LDAH: variants seen among roughly 807,000 people sequenced by gnomAD.
LDAH encodes the protein lipid droplet-associated hydrolase.
LDAH carries 26 observed loss-of-function variants against 29.6 expected under a neutral mutation model. That is an observed-to-expected ratio of 0.88 (90% CI 0.64 to 1.22). The LOEUF (loss-of-function observed/expected upper bound fraction) is 1.22, where lower values mean the gene tolerates loss of function less well. LDAH is among the 50% of genes most tolerant of loss of function. The pLI is 0.00. For synonymous variants in LDAH, 117 were observed against 133.0 expected (o/e 0.88, Z 0.83); for missense variants, 344 against 387.3 (o/e 0.89, Z 0.94).
intron 5 of LDAH, among the ~76,000 whole-genome samples, chr2:20,732,674 A>G (rs1666493634): frequency 6.6e-6 from 1 of 152,156 alleles, no homozygotes; most frequent in Non-Finnish European, 1.5e-5. Context: ...ATATGTGTAG[A>G]GTTGTTCACA....
At chr2:20,701,235 T>C (rs1372605183) in intron 6 of LDAH, among the ~76,000 whole-genome samples, 2 of 152,204 alleles carry the variant, frequency 1.3e-5, no homozygotes, top group African/African-American at 4.8e-5. Flanking sequence ...TTCCACTGTT[T>C]CATTTATATT....
intron 2 of LDAH, among the ~76,000 whole-genome samples, chr2:20,791,339 T>C (rs12468102): frequency 0.037 from 5,628 of 152,306 alleles, 132 homozygotes; most frequent in Middle Eastern, 0.051. Context: ...ATCCACAAAA[T>C]GTGTAATAAT....
downstream of LDAH, among the ~76,000 whole-genome samples, chr2:20,683,555 A>G (rs1162156196): frequency 1.3e-5 from 2 of 152,210 alleles, no homozygotes; most frequent in Admixed American, 1.3e-4. Context: ...GACTGTTAGA[A>G]CATCCTGGGC....
intron 4 of LDAH, among the ~76,000 whole-genome samples, chr2:20,763,051 G>T (rs993731894): frequency 3.3e-5 from 5 of 152,124 alleles, no homozygotes; most frequent in Non-Finnish European, 7.4e-5. Flanking sequence ...AAATAAGAAA[G>T]AAATTTATAG....
chr2:20,711,096 G>C (rs1176561429), intron 5 of LDAH, among the ~76,000 whole-genome samples: 1 of 152,138 alleles, frequency 6.6e-6, no homozygotes, highest in Non-Finnish European at 1.5e-5. Flanking sequence ...AAGGACCTGA[G>C]AGTGGCCTTT....
At chr2:20,766,147 C>T (rs945037535) in intron 4 of LDAH, among the ~76,000 whole-genome samples, 2 of 151,970 alleles carry the variant, frequency 1.3e-5, no homozygotes, top group Admixed American at 1.3e-4. Context: ...TCAACACACA[C>T]ACAAAGTGAA....
intron 2 of LDAH, among the ~76,000 whole-genome samples, chr2:20,800,787 C>A (rs1671606577): frequency 6.6e-6 from 1 of 151,994 alleles, no homozygotes; most frequent in Admixed American, 6.6e-5. Context: ...GCATGTGCCA[C>A]CACGCCCAGC....
intron 3 of LDAH, among the ~76,000 whole-genome samples, chr2:20,782,750 T>C (rs1196077832): frequency 6.6e-6 from 1 of 152,202 alleles, no homozygotes; most frequent in Non-Finnish European, 1.5e-5. Flanking sequence ...TTATTAATTT[T>C]ATTAGTCTTT....
At chr2:20,814,229 T>TGGG (rs70939052) in intron 1 of LDAH, among the ~76,000 whole-genome samples, 1 of 132,328 alleles carries the variant, frequency 7.6e-6, no homozygotes, top group African/African-American at 2.7e-5. Context: ...AGTCTGACAA[T>TGGG]GGGGGGGGGG....
intron 1 of LDAH, among the ~76,000 whole-genome samples, chr2:20,801,986 ATATG>A (rs1424304345): frequency 4.6e-5 from 7 of 150,610 alleles, no homozygotes; most frequent in African/African-American, 1.7e-4. Flanking sequence ...GTATGTATGA[ATATG>A]TGTGTATATA....
In LDAH at chr2:20,701,442, G is replaced by A. The variant is rs1663927439; in HGVS notation, c.786+128C>T. ...TCAGGGATAATTTCAATTTTAACTG[G>A]AAGTAGAACTCTATGTCATTCTACC... On this transcript the variant is annotated intron_variant, in intron 6 of 6. Transcript: ENST00000237822. 16 of 700,120 alleles carry A rather than the reference G, an allele frequency of 2.3e-5. No homozygotes were observed. In the South Asian group the frequency reaches 3.6e-4, roughly 16 times the overall value. The allele number at this position is 700,120 out of a possible 1,614,324, so 43.4% of individuals were successfully genotyped here.
chr2:20,767,597 A>C (rs987359722), intron 4 of LDAH, among the ~76,000 whole-genome samples: 5 of 152,168 alleles, frequency 3.3e-5, no homozygotes, highest in Non-Finnish European at 7.4e-5. Context: ...TGCTGGCAGG[A>C]GGCAGATGGG....
chr2:20,724,788 A>G (rs1665898906), intron 5 of LDAH, among the ~76,000 whole-genome samples: 1 of 152,236 alleles, frequency 6.6e-6, no homozygotes, highest in South Asian at 2.1e-4. Context: ...ATAGTTTTCT[A>G]AAGTAGAACT....
intron 2 of LDAH, among the ~76,000 whole-genome samples, chr2:20,796,190 T>TA (rs1671295167): frequency 6.6e-6 from 1 of 152,222 alleles, no homozygotes; most frequent in South Asian, 2.1e-4. Context: ...CTCTCCCCTG[T>TA]AATGGGCTCT....
chr2:20,756,939 G>T (rs1264335662), intron 4 of LDAH, among the ~76,000 whole-genome samples: 3 of 152,198 alleles, frequency 2.0e-5, no homozygotes, highest in African/African-American at 7.2e-5. Context: ...AACTTGAAAT[G>T]ACATACTTCT....
At chr2:20,703,739 T>C (rs773921277) in intron 5 of LDAH, among the ~76,000 whole-genome samples, 37 of 152,218 alleles carry the variant, frequency 2.4e-4, no homozygotes, top group Non-Finnish European at 5.9e-5. Flanking sequence ...CCTGGACCAC[T>C]GTCGACTTAG....
intron 6 of LDAH, among the ~76,000 whole-genome samples, chr2:20,688,549 T>C (rs1355614579): frequency 6.6e-6 from 1 of 152,086 alleles, no homozygotes; most frequent in Non-Finnish European, 1.5e-5. Context: ...GGTGATCAAG[T>C]GCTGGGGGAG....
chr2:20,805,118 C>T (rs1021141337), intron 1 of LDAH, among the ~76,000 whole-genome samples: 1 of 152,040 alleles, frequency 6.6e-6, no homozygotes, highest in Admixed American at 6.6e-5. Context: ...TAAATATATT[C>T]AAATCATAAA....
intron 5 of LDAH, among the ~76,000 whole-genome samples, chr2:20,711,825 G>A (rs1354860779): frequency 3.3e-5 from 5 of 152,342 alleles, no homozygotes; most frequent in South Asian, 2.1e-4. Context: ...GCAGCAGCCC[G>A]GCAGGGGGAG....
Sources: gnomAD v4.1 joint callset for allele counts (sites outside exome capture counted in the v4.1 genomes callset) on GRCh38, gnomAD v4.1.1 for gene constraint, MANE v1.5 for transcripts, NCBI Gene and HGNC (gene_info 2026-07-23, HGNC 2026-07-21) for gene names.